EYA1: variants seen among roughly 807,000 people sequenced by gnomAD.
The protein encoded by EYA1 is EYA transcriptional coactivator and phosphatase 1, also known as protein phosphatase EYA1.
In EYA1, 16 loss-of-function variants were observed where a neutral mutation model predicts 82.0. That is an observed-to-expected ratio of 0.20 (90% CI 0.13 to 0.30). The LOEUF is 0.30. Among genes scored for constraint, EYA1 ranks in the 10% least tolerant of loss-of-function variants. The pLI is 1.00. For synonymous variants in EYA1, 261 were observed against 264.4 expected, an observed-to-expected ratio of 0.99 and a Z score of 0.12; for missense variants, 633 against 730.7, an observed-to-expected ratio of 0.87 and a Z score of 1.54.
chr8:71,484,875 G>T (rs973310776), intron 2 of EYA1, among the ~76,000 whole-genome samples: 1 of 152,178 alleles, frequency 6.6e-6, no homozygotes, highest in Non-Finnish European at 1.5e-5. Flanking sequence ...GGCCTGTCCC[G>T]GGGGACCTGG....
chr8:71,541,468 T>C (rs1815129610), intron 1 of EYA1, among the ~76,000 whole-genome samples: 1 of 152,222 alleles, frequency 6.6e-6, no homozygotes, highest in South Asian at 2.1e-4. Flanking sequence ...GCAAGGCAAG[T>C]AGAAAGTCAA....
intron 2 of EYA1, among the ~76,000 whole-genome samples, chr8:71,402,927 A>G (rs1170176043): frequency 6.6e-6 from 1 of 152,220 alleles, no homozygotes; most frequent in African/African-American, 2.4e-5. Flanking sequence ...CATGCACACT[A>G]TGCAGAGATC....
At chr8:71,270,513 C>G (rs1032769187) in intron 10 of EYA1, among the ~76,000 whole-genome samples, 4 of 152,118 alleles carry the variant, frequency 2.6e-5, no homozygotes, top group Admixed American at 1.3e-4. Flanking sequence ...CACAAAAAGC[C>G]TATCAAGCCT....
intron 2 of EYA1, chr8:71,404,226 T>G (rs923013890): frequency 2.0e-4 from 30 of 152,296 alleles, no homozygotes; most frequent in African/African-American, 6.7e-4. Flanking sequence ...GAGTAGGGCA[T>G]TTTGGAGTTG....
intron 9 of EYA1, among the ~76,000 whole-genome samples, chr8:71,276,496 C>A (rs1249003414): frequency 6.6e-6 from 1 of 152,188 alleles, no homozygotes; most frequent in East Asian, 1.9e-4. Flanking sequence ...TCCCTATCAA[C>A]AAGTTGAATT....
At chr8:71,384,119 T>C (rs893928598) in intron 2 of EYA1, among the ~76,000 whole-genome samples, 5 of 152,188 alleles carry the variant, frequency 3.3e-5, no homozygotes, top group Non-Finnish European at 7.3e-5. Context: ...ACTTGTCCAA[T>C]TTCCTAACCT....
At chr8:71,312,799 TAGG>T (rs1821492584) in intron 7 of EYA1, among the ~76,000 whole-genome samples, 2 of 152,230 alleles carry the variant, frequency 1.3e-5, no homozygotes, top group Non-Finnish European at 2.9e-5. Flanking sequence ...GGGAAATAAC[TAGG>T]TTAGTCCTTG....
intron 2 of EYA1, chr8:71,448,898 T>C (rs1807120198): frequency 5.9e-6 from 1 of 169,368 alleles, no homozygotes. Context: ...AATGGATTCA[T>C]TGCAAACTTT....
chr8:71,446,949 T>C (rs1806929114), intron 2 of EYA1, among the ~76,000 whole-genome samples: 2 of 152,114 alleles, frequency 1.3e-5, no homozygotes, highest in Non-Finnish European at 2.9e-5. Flanking sequence ...AGCTTAGTTA[T>C]CCTGCAATCT....
chr8:71,228,581 T>C (rs1336356939), intron 12 of EYA1, among the ~76,000 whole-genome samples: 1 of 152,178 alleles, frequency 6.6e-6, no homozygotes, highest in Non-Finnish European at 1.5e-5. Flanking sequence ...TTCAGGAAAA[T>C]ATTATGTATC....
chr8:71,352,569 G>A (rs1215839994), intron 3 of EYA1, among the ~76,000 whole-genome samples: 1 of 152,150 alleles, frequency 6.6e-6, no homozygotes, highest in African/African-American at 2.4e-5. Flanking sequence ...GGTGAGATGA[G>A]TAATTGTGTA....
intron 11 of EYA1, among the ~76,000 whole-genome samples, chr8:71,261,344 T>G (rs1275330853): frequency 6.6e-6 from 1 of 152,146 alleles, no homozygotes; most frequent in Admixed American, 6.5e-5. Context: ...TACTTAGATA[T>G]GAAATATCAG....
At chr8:71,493,654 T>C (rs1156395596) in intron 2 of EYA1, among the ~76,000 whole-genome samples, 1 of 151,966 alleles carries the variant, frequency 6.6e-6, no homozygotes, top group African/African-American at 2.4e-5. Flanking sequence ...ATTTTAAATA[T>C]GGTTAATTTC....
chr8:71,471,422 A>G (rs900655764), intron 2 of EYA1, among the ~76,000 whole-genome samples: 3 of 152,046 alleles, frequency 2.0e-5, no homozygotes, highest in African/African-American at 7.2e-5. Flanking sequence ...ATACATGTGT[A>G]TAAGGATTGC....
rs1333860400 is a variant in EYA1, at chr8:71,198,120, A to ATAAT, written c.*1216_*1219dup. 1 of 151,548 alleles carries ATAAT rather than the reference A, an allele frequency of 6.6e-6. No homozygotes were observed. Among genetic ancestry groups the ATAAT allele is most frequent in the Non-Finnish European group, 1.5e-5 (1 of 68,004 alleles). The allele number at this position is 151,548 out of a possible 1,614,324, so 9.4% of individuals were successfully genotyped here. A position where few individuals can be genotyped will look rare whatever the true frequency, so the allele number is the denominator to read the frequency against. ...AAAGAAAATGCAGACACGATAATTA[A>ATAAT]TAATTCTGAGCACATGAAAACTTTG... On this transcript the variant is annotated 3_prime_UTR_variant, in exon 18 of 18. Coordinates refer to ENST00000340726, the MANE Select transcript of EYA1 (RefSeq NM_000503.6).
intron 17 of EYA1, among the ~76,000 whole-genome samples, chr8:71,209,887 T>C (rs893985985): frequency 4.6e-5 from 7 of 152,274 alleles, no homozygotes; most frequent in Admixed American, 2.6e-4. Context: ...GAAGACAGTC[T>C]CAACAAACCA....
rs535138637 is a variant in EYA1 at position 71,343,545 on chromosome 8, C to G, written c.125-9371G>C. Among the ~76,000 whole-genome samples the G allele has an allele frequency of 2.0e-5, 3 of 152,264 alleles. No individual in the cohort carries two copies. The East Asian group carries it at 5.8e-4, about 29-fold the overall frequency. ...ACCTGAACTAGCATGTTAACATGCT[C>G]CATGGCCTCCCCATGTGACACTCTG... On this transcript the variant is annotated intron_variant, in intron 3 of 17. Transcript: ENST00000340726.
chr8:71,416,642 A>T (rs1422564191), intron 2 of EYA1, among the ~76,000 whole-genome samples: 1 of 152,148 alleles, frequency 6.6e-6, no homozygotes, highest in African/African-American at 2.4e-5. Context: ...CATGACTTCA[A>T]ATATTATCTA....
chr8:71,263,273 C>G (rs1815363004), intron 11 of EYA1, among the ~76,000 whole-genome samples: 1 of 152,148 alleles, frequency 6.6e-6, no homozygotes, highest in Admixed American at 6.5e-5. Context: ...CAAAGCCTCC[C>G]ATTCACACTG....
Sources: gnomAD v4.1 joint callset for allele counts (sites outside exome capture counted in the v4.1 genomes callset) on GRCh38, gnomAD v4.1.1 for gene constraint, MANE v1.5 for transcripts, NCBI Gene and HGNC (gene_info 2026-07-23, HGNC 2026-07-21) for gene names.